SBF2: variants seen among roughly 807,000 people sequenced by gnomAD.
SBF2 encodes myotubularin-related protein 13.
A neutral mutation model predicts 225.2 loss-of-function variants in SBF2; 112 were observed. The ratio of observed to expected loss-of-function variants is 0.50; its 90% CI spans 0.43 to 0.58. The LOEUF (loss-of-function observed/expected upper bound fraction) is 0.58, where lower values mean the gene tolerates loss of function less well. Ranked by LOEUF, SBF2 falls within the 20% of genes least tolerant of loss-of-function variation. The probability of loss-of-function intolerance (pLI) is 0.00; values close to 1 mark genes in which losing one functional copy is unlikely to be tolerated. For synonymous variants in SBF2, 763 were observed against 773.3 expected, an observed-to-expected ratio of 0.99 and a Z score of 0.22; for missense variants, 1,996 against 2,206.2, an observed-to-expected ratio of 0.90 and a Z score of 1.91.
intron 2 of SBF2, among the ~76,000 whole-genome samples, chr11:10,180,756 C>CT (rs1956706668): frequency 6.6e-6 from 1 of 152,098 alleles, no homozygotes. Context: ...ATGCTTCATT[C>CT]TTTTTTCTTT....
At chr11:10,294,291 G>C (rs1249881343), upstream of SBF2, 4 of 360,948 alleles carry the variant, frequency 1.1e-5, no homozygotes, top group Non-Finnish European at 2.0e-5. Flanking sequence ...CCCAAGCCCG[G>C]GCGGCGAGCC....
chr11:9,994,440 A>G (rs890939545), intron 9 of SBF2, among the ~76,000 whole-genome samples: 1 of 150,640 alleles, frequency 6.6e-6, no homozygotes, highest in Admixed American at 6.6e-5. Flanking sequence ...GCGCCACTGC[A>G]CTCCAGCCTG....
intron 1 of SBF2, among the ~76,000 whole-genome samples, chr11:10,204,109 A>G (rs1957662899): frequency 6.6e-6 from 1 of 152,170 alleles, no homozygotes; most frequent in Non-Finnish European, 1.5e-5. Flanking sequence ...ATATAAAGAT[A>G]AATATCTAAA....
intron 2 of SBF2, among the ~76,000 whole-genome samples, chr11:10,116,561 T>C (rs913385411): frequency 5.3e-5 from 8 of 152,242 alleles, no homozygotes; most frequent in Admixed American, 3.3e-4. Flanking sequence ...GAATCTATAA[T>C]GGTTTCCCAC....
chr11:9,949,558 T>C (rs898089404), intron 16 of SBF2, among the ~76,000 whole-genome samples: 1 of 152,182 alleles, frequency 6.6e-6, no homozygotes, highest in Non-Finnish European at 1.5e-5. Context: ...ATAATTCTTT[T>C]CCTTTAATCT....
intron 17 of SBF2, among the ~76,000 whole-genome samples, chr11:9,891,287 T>C (rs1860792603): frequency 6.6e-6 from 1 of 152,206 alleles, no homozygotes; most frequent in Non-Finnish European, 1.5e-5. Flanking sequence ...ATTTTCCTTC[T>C]AAAAAAGTAA....
intron 17 of SBF2, among the ~76,000 whole-genome samples, chr11:9,883,938 T>A (rs1485932555): frequency 6.6e-6 from 1 of 152,130 alleles, no homozygotes; most frequent in Non-Finnish European, 1.5e-5. Context: ...TGTCTACTGG[T>A]GAAGTATGAC....
chr11:9,889,277 T>C (rs1488866621), intron 17 of SBF2, among the ~76,000 whole-genome samples: 1 of 152,222 alleles, frequency 6.6e-6, no homozygotes, highest in Non-Finnish European at 1.5e-5. Context: ...GTTAGATTCA[T>C]ACAAATGACA....
intron 13 of SBF2, among the ~76,000 whole-genome samples, chr11:9,986,083 T>C (rs1947185554): frequency 1.3e-5 from 2 of 152,012 alleles, no homozygotes; most frequent in African/African-American, 4.8e-5. Context: ...TATCAAGCAC[T>C]CTCTCAAACC....
intron 30 of SBF2, chr11:9,811,019 T>C (rs1363146458): frequency 1.3e-5 from 2 of 152,212 alleles, no homozygotes; most frequent in African/African-American, 4.8e-5. Flanking sequence ...CACCATGGAA[T>C]ACTACACAGC....
At chr11:9,973,217 A>G (rs752352183) in intron 13 of SBF2, among the ~76,000 whole-genome samples, 1 of 152,206 alleles carries the variant, frequency 6.6e-6, no homozygotes, top group Non-Finnish European at 1.5e-5. Flanking sequence ...ATACTTAAAA[A>G]CATCTGCTTT....
chr11:10,109,929 C>A (rs1328360249), intron 2 of SBF2, among the ~76,000 whole-genome samples: 1 of 152,138 alleles, frequency 6.6e-6, no homozygotes, highest in Non-Finnish European at 1.5e-5. Flanking sequence ...TAGAACTTAA[C>A]ACAAACATGT....
intron 2 of SBF2, among the ~76,000 whole-genome samples, chr11:10,065,714 G>T (rs190539402): frequency 1.3e-5 from 2 of 152,276 alleles, no homozygotes; most frequent in African/African-American, 4.8e-5. Flanking sequence ...CACTTTGGGA[G>T]GCCAAGGCAG....
chr11:10,001,348 C>G (rs145562750), intron 7 of SBF2, among the ~76,000 whole-genome samples: 3 of 151,988 alleles, frequency 2.0e-5, no homozygotes, highest in African/African-American at 7.3e-5. Context: ...GACAGTAACA[C>G]TGACTCTCTG....
At chr11:9,911,289 C>T (rs753247245) in intron 16 of SBF2, among the ~76,000 whole-genome samples, 1 of 151,376 alleles carries the variant, frequency 6.6e-6, no homozygotes, top group Non-Finnish European at 1.5e-5. Context: ...ATTACTTGAA[C>T]CTGGGAGGTG....
chr11:9,816,337 T>C (rs1854456512), intron 29 of SBF2, among the ~76,000 whole-genome samples: 1 of 152,196 alleles, frequency 6.6e-6, no homozygotes, highest in Admixed American at 6.5e-5. Flanking sequence ...CTATATAGCT[T>C]TGCGAAGTTT....
chr11:9,785,021 T>C (rs1248287809), intron 37 of SBF2, 104 bp downstream of exon 37: 1 of 999,776 alleles, frequency 1.0e-6, no homozygotes, highest in Non-Finnish European at 1.6e-6. Context: ...TTCAAGTTTA[T>C]AAAAGGCTGT....
At chr11:10,073,848 T>C (rs1243513889) in intron 2 of SBF2, among the ~76,000 whole-genome samples, 1 of 152,216 alleles carries the variant, frequency 6.6e-6, no homozygotes, top group African/African-American at 2.4e-5. Context: ...CACACTTACA[T>C]ACTACAAGTG....
chr11:10,027,684 A>G (rs1228253219), intron 6 of SBF2, among the ~76,000 whole-genome samples: 4 of 152,184 alleles, frequency 2.6e-5, no homozygotes, highest in African/African-American at 7.2e-5. Context: ...CCCTGGTTTG[A>G]AATATCCTCA....
Sources: gnomAD v4.1 joint callset for allele counts (sites outside exome capture counted in the v4.1 genomes callset) on GRCh38, gnomAD v4.1.1 for gene constraint, MANE v1.5 for transcripts, NCBI Gene and HGNC (gene_info 2026-07-23, HGNC 2026-07-21) for gene names.